The following TEX2 variants were observed in gnomAD, a reference collection of about 807,000 sequenced individuals.
TEX2 encodes testis-expressed protein 2.
A neutral mutation model predicts 106.9 loss-of-function variants in TEX2; 53 were observed. The observed-to-expected ratio is 0.50, with a 90% CI of 0.40 to 0.62. TEX2 has a LOEUF of 0.62. Ranked by LOEUF, TEX2 falls within the 20% of genes least tolerant of loss-of-function variation. TEX2 has a pLI of 0.00. For missense variants in TEX2, 1,207 were observed against 1,379.0 expected (o/e 0.88, Z 1.98); for synonymous variants, 523 against 534.8 (o/e 0.98, Z 0.30).
At chr17:64,197,732 T>A (rs193125261) in intron 2 of TEX2, among the ~76,000 whole-genome samples, 77 of 152,204 alleles carry the variant, frequency 5.1e-4, no homozygotes, top group Admixed American at 7.9e-4. Flanking sequence ...CTAATTTTTT[T>A]AAAAAGATCT....
At chr17:64,239,236 G>A (rs1363617638) in intron 1 of TEX2, 1 of 152,174 alleles carries the variant, frequency 6.6e-6, no homozygotes, top group Non-Finnish European at 1.5e-5. Flanking sequence ...ATAATGGGAT[G>A]TTTATTTCCA....
At chr17:64,238,769 A>G (rs2033824824) in intron 1 of TEX2, among the ~76,000 whole-genome samples, 1 of 152,206 alleles carries the variant, frequency 6.6e-6, no homozygotes, top group Non-Finnish European at 1.5e-5. Context: ...GGGAACTACA[A>G]TTCAAGATGA....
At chr17:64,149,374 T>G (rs577750252) in intron 11 of TEX2, 1 of 324,676 alleles carries the variant, frequency 3.1e-6, no homozygotes, top group African/African-American at 2.2e-5. Context: ...CTGATATATA[T>G]CCAACAATTT....
At chr17:64,179,615 C>G (rs11079527) in intron 5 of TEX2, among the ~76,000 whole-genome samples, 108,308 of 152,060 alleles carry the variant, frequency 0.71, 38,674 homozygotes, top group East Asian at 0.82. Flanking sequence ...ACCAACTCCA[C>G]ATACATTGCC....
At chr17:64,235,048 C>G (rs2033738176) in intron 1 of TEX2, among the ~76,000 whole-genome samples, 1 of 152,180 alleles carries the variant, frequency 6.6e-6, no homozygotes, top group South Asian at 2.1e-4. Flanking sequence ...CAGTCCTGAT[C>G]TGTGAAGATG....
intron 1 of TEX2, among the ~76,000 whole-genome samples, chr17:64,232,382 T>C (rs1451726095): frequency 6.6e-6 from 1 of 152,344 alleles, no homozygotes; most frequent in South Asian, 2.1e-4. Context: ...TATTCTTACA[T>C]TGTTTACCAG....
chr17:64,212,677 C>G lies in TEX2; in HGVS notation c.1541G>C (p.Trp514Ser), dbSNP rs782380730. ...ATGAGCACTTGGTGGTGTAAAAAAC[C>G]AAATCACGCAAACTGCAGTCATGAA... Reference protein sequence around the residue: ...LGFMTAVCVIWFFTPPSAHKY... With the variant: ...LGFMTAVCVISFFTPPSAHKY... The change falls in exon 2 of 12, where the codon TGG (tryptophan) becomes TCG (serine). Residue 514 changes from tryptophan (W) to serine (S), a missense_variant. Physicochemically the swap from Trp to Ser is radical, Grantham distance 177. This residue lies in a region of TEX2 where 1,067 missense variants were observed against 1,193.6 expected (regional missense o/e 0.89). Transcript: ENST00000584379. 6.2e-7 allele frequency: 1 copy of G among 1,614,106 alleles called. No homozygotes were observed. Among genetic ancestry groups the G allele is most frequent in the African/African-American group, 1.3e-5 (1 of 74,994 alleles).
chr17:64,251,227 T>A (rs2034085438), intron 1 of TEX2, among the ~76,000 whole-genome samples: 1 of 152,148 alleles, frequency 6.6e-6, no homozygotes, highest in African/African-American at 2.4e-5. Flanking sequence ...CCAGAGCCCC[T>A]CCCTTAATGG....
rs2032325901 is a variant in TEX2 at position 64,192,211 on chromosome 17, T to C, written c.2176+1348A>G. Among the ~76,000 whole-genome samples, 3 of 152,204 alleles carry C rather than the reference T, an allele frequency of 2.0e-5. No individual in the cohort carries two copies. The South Asian group carries it at 6.2e-4, about 32-fold the overall frequency. On this transcript the variant is annotated intron_variant, in intron 4 of 11. Transcript: ENST00000584379. ...GAATTGTGTCCTCCAAAAAATATGT[T>C]AAAGTCCTAACCCCAGTATCTCAGA...
intron 1 of TEX2, among the ~76,000 whole-genome samples, chr17:64,225,205 ACT>A (rs1555633739): frequency 6.6e-6 from 1 of 151,952 alleles, no homozygotes; most frequent in Non-Finnish European, 1.5e-5. Context: ...TAATTCCAAC[ACT>A]CTGAGAAGCC....
At chr17:64,159,778 C>T (rs560609643) in intron 8 of TEX2, among the ~76,000 whole-genome samples, 10 of 152,178 alleles carry the variant, frequency 6.6e-5, no homozygotes, top group East Asian at 1.9e-4. Flanking sequence ...GCACAGACAC[C>T]GGTTAGATTG....
In TEX2 at chr17:64,167,308, A is replaced by G. The variant is rs144980879; in HGVS notation, c.2671+3792T>C. Among the ~76,000 whole-genome samples, 343 of 152,260 alleles carry G rather than the reference A, an allele frequency of 2.3e-3. 2 individuals are homozygous for G. Among genetic ancestry groups the G allele is most frequent in the African/African-American group, 7.9e-3 (327 of 41,536 alleles). ...GTTTTGTTTTGTTTTTGTTTATCCT[A>G]GTAGGATCTGCCAGCTTTGATCTGT... is the stretch of plus-strand genomic sequence containing the variant. On this transcript the variant is annotated intron_variant, in intron 7 of 11. Transcript: ENST00000584379.
intron 6 of TEX2, among the ~76,000 whole-genome samples, chr17:64,174,130 C>T (rs901981648): frequency 2.0e-5 from 3 of 152,186 alleles, no homozygotes; most frequent in Non-Finnish European, 4.4e-5. Context: ...CAGGCATAAG[C>T]CACCATGCCC....
intron 1 of TEX2, among the ~76,000 whole-genome samples, chr17:64,242,931 AT>A (rs571362283): frequency 1.6e-3 from 231 of 142,762 alleles, no homozygotes; most frequent in African/African-American, 2.8e-3. Context: ...AAAAAAAAAA[AT>A]TTTTTTTTTT....
chr17:64,227,606 A>C lies in TEX2; in HGVS notation c.-25-13364T>G, dbSNP rs559756195. Among the ~76,000 whole-genome samples, 25 of 152,358 alleles carry C rather than the reference A, an allele frequency of 1.6e-4. 1 individual carries two copies. The highest frequency in any genetic ancestry group is 1.4e-3 in the South Asian group (7 of 4,828). On this transcript the variant is annotated intron_variant, in intron 1 of 11. Transcript: ENST00000584379. Reference sequence around the variant, plus strand: ...TACCCACAAGAAAACTAAGGCAGAAAGACTCATTTTTATTAAATGAGGACA... The same window carrying C: ...TACCCACAAGAAAACTAAGGCAGAACGACTCATTTTTATTAAATGAGGACA...
intron 7 of TEX2, among the ~76,000 whole-genome samples, chr17:64,162,506 C>T (rs971443752): frequency 2.6e-5 from 4 of 152,144 alleles, no homozygotes; most frequent in South Asian, 2.1e-4. Flanking sequence ...TAATAGTATG[C>T]GTTGCCTTTG....
chr17:64,225,175 G>C (rs2033471225), intron 1 of TEX2, among the ~76,000 whole-genome samples: 1 of 151,896 alleles, frequency 6.6e-6, no homozygotes, highest in South Asian at 2.1e-4. Flanking sequence ...TTGCAGGCTG[G>C]GCACAGTGGC....
intron 6 of TEX2, among the ~76,000 whole-genome samples, chr17:64,172,284 T>C (rs8066455): frequency 0.72 from 108,704 of 150,354 alleles, 39,338 homozygotes; most frequent in East Asian, 0.83. Context: ...ACCTGAGAGG[T>C]GGAGGTTGCA....
At chr17:64,211,259 C>T (rs2032993221) in intron 2 of TEX2, among the ~76,000 whole-genome samples, 1 of 152,192 alleles carries the variant, frequency 6.6e-6, no homozygotes, top group Non-Finnish European at 1.5e-5. Context: ...CCATGCCCAG[C>T]CTCTATTACT....
Sources: gnomAD v4.1 joint callset for allele counts (sites outside exome capture counted in the v4.1 genomes callset) on GRCh38, gnomAD v4.1.1 for gene constraint, gnomAD v4.1.1 regional missense constraint, MANE v1.5 for transcripts, NCBI Gene and HGNC (gene_info 2026-07-23, HGNC 2026-07-21) for gene names.